DNAAF9: variants seen among roughly 807,000 people sequenced by gnomAD.
DNAAF9 encodes the protein dynein axonemal assembly factor 9.
In DNAAF9, 90 loss-of-function variants were observed where a neutral mutation model predicts 167.0. That is an observed-to-expected ratio of 0.54 (90% CI 0.45 to 0.64). The LOEUF (loss-of-function observed/expected upper bound fraction) is 0.64, where lower values mean the gene tolerates loss of function less well. DNAAF9 is among the 30% of genes least tolerant of loss of function. The probability of loss-of-function intolerance (pLI) is 0.00; values close to 1 mark genes in which losing one functional copy is unlikely to be tolerated. For synonymous variants in DNAAF9, 491 were observed against 508.8 expected (o/e 0.96, Z 0.47); for missense variants, 1,315 against 1,442.2 (o/e 0.91, Z 1.43).
At chr20:3,306,233 C>T (rs781771391) in intron 20 of DNAAF9, among the ~76,000 whole-genome samples, 3 of 152,224 alleles carry the variant, frequency 2.0e-5, no homozygotes, top group Non-Finnish European at 2.9e-5. Flanking sequence ...GACTCCAGCA[C>T]CCCATCCCCC....
chr20:3,274,993 G>A (rs2068654558), intron 29 of DNAAF9, among the ~76,000 whole-genome samples: 1 of 152,224 alleles, frequency 6.6e-6, no homozygotes, highest in Non-Finnish European at 1.5e-5. Flanking sequence ...AGGTCACTCT[G>A]CAGTGCACTC....
chr20:3,302,592 A>G (rs1337673095), intron 21 of DNAAF9, among the ~76,000 whole-genome samples: 1 of 152,250 alleles, frequency 6.6e-6, no homozygotes, highest in African/African-American at 2.4e-5. Context: ...ATACAATGGA[A>G]TACTACTTAG....
Position 3,393,803 on chromosome 20 carries a change from G to A in DNAAF9, c.84-11297C>T, listed in dbSNP as rs564235285. Among the ~76,000 whole-genome samples the A allele has an allele frequency of 1.2e-4, 18 of 152,266 alleles. No homozygotes were observed. The East Asian group carries it at 3.3e-3, about 28-fold the overall frequency. On this transcript the variant is annotated intron_variant, in intron 1 of 36. Transcript: ENST00000252032. The stretch of plus-strand genomic sequence containing the variant: ...CTTTTAAACCGTTTACCTATAATAT[G>A]CCAGAGTACCTGTTTCCCACAAGTT...
Position 3,347,755 on chromosome 20 carries a change from C to T in DNAAF9, c.789+770G>A, listed in dbSNP as rs564428531. On this transcript the variant is annotated intron_variant, in intron 8 of 36. Coordinates refer to ENST00000252032, the MANE Select transcript of DNAAF9 (RefSeq NM_001009984.3). The stretch of plus-strand genomic sequence containing the variant: ...CTGGTCAACATGGTAAAACCCATCT[C>T]TACTAAAAATACAAAAATTAGCTGG... Among the ~76,000 whole-genome samples the T allele has an allele frequency of 2.0e-4, 30 of 152,154 alleles. 1 individual carries two copies. In the South Asian group the frequency reaches 6.2e-3, roughly 32 times the overall value.
At chr20:3,298,448 G>C (rs957876223) in intron 21 of DNAAF9, among the ~76,000 whole-genome samples, 1 of 152,058 alleles carries the variant, frequency 6.6e-6, no homozygotes, top group African/African-American at 2.4e-5. Flanking sequence ...CCTTCAAGTA[G>C]CTGAGACTAC....
At chr20:3,321,702 C>T (rs1338733670) in intron 16 of DNAAF9, among the ~76,000 whole-genome samples, 3 of 152,062 alleles carry the variant, frequency 2.0e-5, no homozygotes, top group African/African-American at 4.8e-5. Flanking sequence ...CTGAGGAGGT[C>T]GGGCTACAGG....
At chr20:3,262,400 G>A (rs576885788) in intron 31 of DNAAF9, among the ~76,000 whole-genome samples, 7 of 151,928 alleles carry the variant, frequency 4.6e-5, no homozygotes, top group Non-Finnish European at 7.4e-5. Context: ...ACAGGTGCCT[G>A]CCACCATGCC....
chr20:3,256,183 G>A lies in DNAAF9; in HGVS notation c.3084C>T (p.Tyr1028=). 1 of 1,614,136 alleles carries A rather than the reference G, an allele frequency of 6.2e-7. No individual in the cohort carries two copies. Among genetic ancestry groups the A allele is most frequent in the Non-Finnish European group, 8.5e-7 (1 of 1,179,974 alleles). Residue 1028 remains tyrosine (Y), a synonymous_variant, in exon 34 of 37, where the codon TAC becomes TAT. Coordinates refer to ENST00000252032, the MANE Select transcript of DNAAF9 (RefSeq NM_001009984.3). ...TGCTCAAGGAGTTGGCCAGTGTGTT[G>A]TAGCAGACCTCCATGGTCCTCTCAG... ...SDSERTMEVC[Y]NTLANSLSIM... is the part of the protein sequence containing the mutation.
At chr20:3,296,383 C>CTTT in intron 23 of DNAAF9, 1 of 309,156 alleles carries the variant, frequency 3.2e-6, no homozygotes, top group South Asian at 2.8e-5. Context: ...GGACATTTTT[C>CTTT]GTTTTTTTTT....
intron 35 of DNAAF9, 50 bp downstream of exon 35, chr20:3,255,169 C>T (rs940095356): frequency 1.4e-5 from 16 of 1,174,568 alleles, no homozygotes; most frequent in Middle Eastern, 2.0e-4. Context: ...CTAGGCAAGC[C>T]GAGGACAGCC....
At chr20:3,304,145 CT>C (rs1251282509) in intron 21 of DNAAF9, among the ~76,000 whole-genome samples, 1 of 152,192 alleles carries the variant, frequency 6.6e-6, no homozygotes, top group African/African-American at 2.4e-5. Flanking sequence ...TCTCAGCCTG[CT>C]TTATAGTCCT....
At chr20:3,332,208 T>C in intron 11 of DNAAF9, 72 bp downstream of exon 11, 4 of 818,240 alleles carry the variant, frequency 4.9e-6, no homozygotes, top group Non-Finnish European at 8.3e-6. Flanking sequence ...GTGAATTGTA[T>C]GTCAACTTCT....
chr20:3,279,322 C>T (rs1298612841), intron 28 of DNAAF9, among the ~76,000 whole-genome samples: 1 of 152,170 alleles, frequency 6.6e-6, no homozygotes, highest in Non-Finnish European at 1.5e-5. Flanking sequence ...TCTAACTCTA[C>T]CAGGGGCCTT....
chr20:3,387,358 C>A (rs945677675), intron 1 of DNAAF9, among the ~76,000 whole-genome samples: 2 of 152,102 alleles, frequency 1.3e-5, no homozygotes, highest in Non-Finnish European at 1.5e-5. Flanking sequence ...CCTCACATAC[C>A]TGGTCAAATG....
In DNAAF9 at chr20:3,383,429, C is replaced by T. The variant is rs143615979; in HGVS notation, c.84-923G>A. Among the ~76,000 whole-genome samples, 217 of 151,892 alleles carry T rather than the reference C, an allele frequency of 1.4e-3. 3 individuals carry two copies. The highest frequency in any genetic ancestry group is 2.7e-3 in the Non-Finnish European group (183 of 67,930). On this transcript the variant is annotated intron_variant, in intron 1 of 36. Transcript: ENST00000252032. ...GATTACAGGTGTGTGCCACCACGCC[C>T]GGCTAATTTTTGTATTTTAGCAGAG...
intron 7 of DNAAF9, among the ~76,000 whole-genome samples, chr20:3,354,285 G>T (rs75671035): frequency 0.062 from 9,460 of 152,302 alleles, 380 homozygotes; most frequent in Non-Finnish European, 0.082. Flanking sequence ...GGATACTGTT[G>T]TAAGTAAGTG....
chr20:3,401,567 T>C (rs1446087199), intron 1 of DNAAF9, among the ~76,000 whole-genome samples: 1 of 148,554 alleles, frequency 6.7e-6, no homozygotes, highest in Non-Finnish European at 1.5e-5. Flanking sequence ...CCATGAAATT[T>C]AACATAGCCC....
chr20:3,293,030 GAGCCAAGATTGTGCCATTGCACTTC>G (rs1207581554), intron 25 of DNAAF9, among the ~76,000 whole-genome samples: 1 of 151,650 alleles, frequency 6.6e-6, no homozygotes, highest in Non-Finnish European at 1.5e-5. Flanking sequence ...AGGTTGCAGT[GAGCCAAGATTGTGCCATTGCACTTC>G]AGCCTAGGCG....
chr20:3,367,545 C>A (rs1484518463), intron 6 of DNAAF9, among the ~76,000 whole-genome samples: 1 of 152,106 alleles, frequency 6.6e-6, no homozygotes, highest in African/African-American at 2.4e-5. Context: ...TTCACTTGAA[C>A]CTTTATTGGC....
Sources: allele counts gnomAD v4.1 joint callset (sites outside exome capture counted in the v4.1 genomes callset), GRCh38; gene constraint gnomAD v4.1.1; transcripts MANE v1.5; gene names NCBI Gene and HGNC (gene_info 2026-07-23, HGNC 2026-07-21).